Variants in BRIP1 observed in about 807,000 individuals in gnomAD.
BRIP1 encodes Fanconi anemia group J protein.
A neutral mutation model predicts 119.7 loss-of-function variants in BRIP1; 88 were observed. The observed-to-expected ratio is 0.74, with a 90% CI of 0.62 to 0.88. BRIP1 has a LOEUF of 0.88. BRIP1 is among the 40% of genes least tolerant of loss of function. The pLI is 0.00. For synonymous variants in BRIP1, 443 were observed against 496.5 expected (o/e 0.89, Z 1.43); for missense variants, 1,259 against 1,455.4 (o/e 0.87, Z 2.20).
intron 6 of BRIP1, among the ~76,000 whole-genome samples, chr17:61,821,279 A>G (rs2145538251): frequency 6.6e-6 from 1 of 152,292 alleles, no homozygotes; most frequent in South Asian, 2.1e-4. Flanking sequence ...CCCTATGCAC[A>G]TGAAGACTGG....
rs1048358035 is a variant in BRIP1 at position 61,768,760 on chromosome 17, G to C, written c.2097+7641C>G. 1.3e-5 allele frequency among the ~76,000 whole-genome samples: 2 copies of C among 152,042 alleles called. No homozygotes were observed. Among genetic ancestry groups the C allele is most frequent in the African/African-American group, 4.8e-5 (2 of 41,384 alleles). ...GATAAAAATAAGACTTTACTTCCAT[G>C]ATTAGATTATATTATGTAGTAAAGA... On this transcript the variant is annotated intron_variant, in intron 14 of 19. Transcript: ENST00000259008. The surrounding 1 kb of genome is among the most constrained non-coding windows in gnomAD (Gnocchi z 5.0).
Position 61,699,420 on chromosome 17 carries a change from T to C in BRIP1, c.2493-5908A>G, listed in dbSNP as rs2144246194. On this transcript the variant is annotated intron_variant, in intron 17 of 19. Transcript: ENST00000259008. The surrounding 1 kb of genome is among the most constrained non-coding windows in gnomAD (Gnocchi z 4.8). ...ACTTTCCAGTATATAATTTTAATTCTCTTGTCATTTACATTACTATATTTT... is the reference window on the plus strand; with the variant it reads ...ACTTTCCAGTATATAATTTTAATTCCCTTGTCATTTACATTACTATATTTT... Among the ~76,000 whole-genome samples, 1 of 152,344 alleles carries C rather than the reference T, an allele frequency of 6.6e-6. No homozygotes were observed. The highest frequency in any genetic ancestry group is 1.9e-4 in the East Asian group (1 of 5,186).
Position 61,739,999 on chromosome 17 carries a change from C to A in BRIP1, c.2379+3014G>T, listed in dbSNP as rs978205113. On this transcript the variant is annotated intron_variant, in intron 16 of 19. Coordinates refer to ENST00000259008, the MANE Select transcript of BRIP1 (RefSeq NM_032043.3). The surrounding 1 kb of genome is among the most constrained non-coding windows in gnomAD (Gnocchi z 6.0). ...CATTGTAAGTAATCGCATAACCGGG[C>A]AAAATGGAGCAATTGTTTTCAGGTA... 1.3e-5 allele frequency among the ~76,000 whole-genome samples: 2 copies of A among 152,092 alleles called. No individual in the cohort carries two copies. Among genetic ancestry groups the A allele is most frequent in the African/African-American group, 4.8e-5 (2 of 41,406 alleles).
intron 16 of BRIP1, among the ~76,000 whole-genome samples, chr17:61,741,422 T>C (rs1048538835): frequency 6.6e-6 from 1 of 152,190 alleles, no homozygotes; most frequent in African/African-American, 2.4e-5. Context: ...TCTAGAACGG[T>C]GAATCCTTTC....
intron 14 of BRIP1, among the ~76,000 whole-genome samples, chr17:61,747,203 T>C (rs1211015229): frequency 1.3e-5 from 2 of 152,032 alleles, no homozygotes; most frequent in African/African-American, 4.8e-5. Context: ...GAGGAAAGTT[T>C]ATAGCGGTAA....
At chr17:61,697,763 G>C (rs1314470613) in intron 17 of BRIP1, among the ~76,000 whole-genome samples, 2 of 151,286 alleles carry the variant, frequency 1.3e-5, no homozygotes, top group Non-Finnish European at 2.9e-5. Flanking sequence ...AGGAAGGTTA[G>C]ATTATTGATT....
chr17:61,812,669 T>G (rs1208534061), intron 6 of BRIP1, among the ~76,000 whole-genome samples: 1 of 151,490 alleles, frequency 6.6e-6, no homozygotes, highest in Admixed American at 6.6e-5. Flanking sequence ...CAGTAGCCAA[T>G]TGTTTAAAAA....
chr17:61,689,701 C>T lies in BRIP1; in HGVS notation c.2576-3536G>A, dbSNP rs1026495423. On this transcript the variant is annotated intron_variant, in intron 18 of 19. Coordinates refer to ENST00000259008, the MANE Select transcript of BRIP1 (RefSeq NM_032043.3). The surrounding 1 kb of genome is among the most constrained non-coding windows in gnomAD (Gnocchi z 4.5). ...CAAGATAAAAGCAACTTGTCATATA[C>T]AAATGAAGTCCCATAAGACAGTCAC... Among the ~76,000 whole-genome samples, 1 of 152,130 alleles carries T rather than the reference C, an allele frequency of 6.6e-6. No individual in the cohort carries two copies. Among genetic ancestry groups the T allele is most frequent in the African/African-American group, 2.4e-5 (1 of 41,432 alleles).
In BRIP1 at chr17:61,861,733, C is replaced by A. The variant is rs949107001; in HGVS notation, c.-30-164G>T. Among the ~76,000 whole-genome samples the A allele has an allele frequency of 3.3e-5, 5 of 152,240 alleles. No homozygotes were observed. In the East Asian group the frequency reaches 9.7e-4, roughly 29 times the overall value. On this transcript the variant is annotated intron_variant, in intron 1 of 19. Transcript: ENST00000259008. This position sits in a 1 kb window ranked among gnomAD's most constrained non-coding sequence, Gnocchi z 4.5. ...TCCTAGTCTTATAAATCACAGCGGT[C>A]AAGAGCATGTCTTAGAGTCTAACAA...
chr17:61,818,057 G>GA (rs1030149770), intron 6 of BRIP1, among the ~76,000 whole-genome samples: 9 of 151,702 alleles, frequency 5.9e-5, no homozygotes, highest in African/African-American at 1.9e-4. Context: ...AAACTTTTTG[G>GA]AAAAATAAGA....
chr17:61,784,778 A>G (rs554242685), intron 10 of BRIP1, among the ~76,000 whole-genome samples: 17 of 152,108 alleles, frequency 1.1e-4, no homozygotes, highest in Admixed American at 3.3e-4. Context: ...TTCTCTTGCC[A>G]TATGATCTGT....
At position 61,743,166 on chromosome 17, in the gene BRIP1, T is replaced by G. The variant is rs1235614304; in HGVS notation, c.2258-32A>C. The G allele has an allele frequency of 6.2e-6, 10 of 1,611,850 alleles. No individual in the cohort carries two copies. The highest frequency in any genetic ancestry group is 8.5e-6 in the Non-Finnish European group (10 of 1,178,312). On this transcript the variant is annotated intron_variant, in intron 15 of 19. Transcript: ENST00000259008. The surrounding 1 kb of genome is among the most constrained non-coding windows in gnomAD (Gnocchi z 4.3). ...CAACAGAAAAAAGCATATCCAAAAT[T>G]CTCAGAAATTGCTTATTCTTGTCAT...
Position 61,687,253 on chromosome 17 carries a change from G to A in BRIP1, c.2576-1088C>T, listed in dbSNP as rs368008677. The stretch of plus-strand genomic sequence containing the variant: ...AGACCTGTCTCTAAAAAAGAAATAA[G>A]TAAATAAAAATAAGAATTTTAGTAC... On this transcript the variant is annotated intron_variant, in intron 18 of 19. Coordinates refer to ENST00000259008, the MANE Select transcript of BRIP1 (RefSeq NM_032043.3). The surrounding 1 kb of genome is among the most constrained non-coding windows in gnomAD (Gnocchi z 5.1). Among the ~76,000 whole-genome samples, 2 of 151,800 alleles carry A rather than the reference G, an allele frequency of 1.3e-5. No individual in the cohort carries two copies. The highest frequency in any genetic ancestry group is 2.4e-5 in the African/African-American group (1 of 41,330).
rs2378908 is a variant in BRIP1 at position 61,834,404 on chromosome 17, G to A, written c.627+12697C>T. 0.15 allele frequency among the ~76,000 whole-genome samples: 22,964 copies of A among 151,952 alleles called. 2,200 individuals are homozygous for A. The highest frequency in any genetic ancestry group is 0.56 in the East Asian group (2,908 of 5,154). On this transcript the variant is annotated intron_variant, in intron 6 of 19. Coordinates refer to ENST00000259008, the MANE Select transcript of BRIP1 (RefSeq NM_032043.3). This position sits in a 1 kb window ranked among gnomAD's most constrained non-coding sequence, Gnocchi z 4.4. ...TCGGCCCAATAATTACGATTTTTTT[G>A]AGAGCCTGGAGAAAACATAGTAGTG...
At position 61,776,159 on chromosome 17, in the gene BRIP1, A is replaced by C. The variant is rs1363121840; in HGVS notation, c.2097+242T>G. On this transcript the variant is annotated intron_variant, in intron 14 of 19. Coordinates refer to ENST00000259008, the MANE Select transcript of BRIP1 (RefSeq NM_032043.3). The surrounding 1 kb of genome is among the most constrained non-coding windows in gnomAD (Gnocchi z 5.0). The stretch of plus-strand genomic sequence containing the variant: ...AGCCTCCCAACCTGCTGGGATTACA[A>C]GCATGAGCCACCACGTCCAGCCTTG... 4 of 472,264 alleles carry C rather than the reference A, an allele frequency of 8.5e-6. No individual in the cohort carries two copies. The highest frequency in any genetic ancestry group is 1.5e-5 in the Non-Finnish European group (4 of 261,778). 29.3% of individuals were successfully genotyped at this position (472,264 alleles called of 1,614,324 possible).
At chr17:61,765,379 TTATATATATATATATATATATATATATA>T (rs1287538931) in intron 14 of BRIP1, among the ~76,000 whole-genome samples, 45 of 37,746 alleles carry the variant, frequency 1.2e-3, no homozygotes, top group South Asian at 2.0e-3. Context: ...TGTGTATATA[TTATATATATATATATATATATATATATA>T]TATATATATA....
intron 11 of BRIP1, among the ~76,000 whole-genome samples, chr17:61,782,698 G>C (rs1017111853): frequency 9.5e-6 from 1 of 105,158 alleles, no homozygotes; most frequent in Non-Finnish European, 1.9e-5. Flanking sequence ...GTGGGCAAAA[G>C]ACTTCAATAG....
At position 61,795,005 on chromosome 17, in the gene BRIP1, T is replaced by A. The variant is rs2077878450; in HGVS notation, c.1341-1276A>T. On this transcript the variant is annotated intron_variant, in intron 9 of 19. Coordinates refer to ENST00000259008, the MANE Select transcript of BRIP1 (RefSeq NM_032043.3). This position sits in a 1 kb window ranked among gnomAD's most constrained non-coding sequence, Gnocchi z 5.6. ...CAATGGGCAAAAATGAATAATGGTA[T>A]GAACAATGTCAGAGTGATAAGCAGA... is the stretch of plus-strand genomic sequence containing the variant. Among the ~76,000 whole-genome samples the A allele has an allele frequency of 6.6e-6, 1 of 152,074 alleles. No individual in the cohort carries two copies. The highest frequency in any genetic ancestry group is 6.6e-5 in the Admixed American group (1 of 15,246).
In BRIP1 at chr17:61,770,475, A is replaced by G. The variant is rs1307908067; in HGVS notation, c.2097+5926T>C. On this transcript the variant is annotated intron_variant, in intron 14 of 19. Transcript: ENST00000259008. The surrounding 1 kb of genome is among the most constrained non-coding windows in gnomAD (Gnocchi z 4.7). ...CAGTATAAAATGTGTTTTAACATAGATACAAAAGACAATATAAAATGTATT... is the reference window on the plus strand; with the variant it reads ...CAGTATAAAATGTGTTTTAACATAGGTACAAAAGACAATATAAAATGTATT... Among the ~76,000 whole-genome samples, 1 of 152,262 alleles carries G rather than the reference A, an allele frequency of 6.6e-6. No homozygotes were observed. The highest frequency in any genetic ancestry group is 1.9e-4 in the East Asian group (1 of 5,206).
Sources: gnomAD v4.1 joint callset for allele counts (sites outside exome capture counted in the v4.1 genomes callset) on GRCh38, gnomAD v4.1.1 for gene constraint, Gnocchi (gnomAD v3.1) non-coding constraint, MANE v1.5 for transcripts, NCBI Gene and HGNC (gene_info 2026-07-23, HGNC 2026-07-21) for gene names.